Variants in MPDZ observed in about 807,000 individuals in gnomAD.
MPDZ encodes multiple PDZ domain crumbs cell polarity complex component, also known as multiple PDZ domain protein.
A neutral mutation model predicts 239.1 loss-of-function variants in MPDZ; 234 were observed. The ratio of observed to expected loss-of-function variants is 0.98; its 90% CI spans 0.88 to 1.09. The LOEUF (loss-of-function observed/expected upper bound fraction) is 1.09. MPDZ is among the 50% of genes least tolerant of loss of function. MPDZ has a pLI of 0.00. For missense variants in MPDZ, 3,175 were observed against 2,510.0 expected, an observed-to-expected ratio of 1.26 and a Z score of -5.66; for synonymous variants, 1,048 against 881.3, an observed-to-expected ratio of 1.19 and a Z score of -3.35.
At chr9:13,209,175 G>C (rs1028360879) in intron 10 of MPDZ, among the ~76,000 whole-genome samples, 2 of 152,116 alleles carry the variant, frequency 1.3e-5, no homozygotes, top group Non-Finnish European at 2.9e-5. Context: ...ATCCTAACCA[G>C]TAACTCCAAG....
At chr9:13,196,803 C>A (rs1955710223) in intron 12 of MPDZ, among the ~76,000 whole-genome samples, 1 of 151,920 alleles carries the variant, frequency 6.6e-6, no homozygotes. Context: ...CAGAAAAACA[C>A]TAAACAAATT....
At chr9:13,129,602 G>A (rs1945647081) in intron 32 of MPDZ, among the ~76,000 whole-genome samples, 1 of 152,116 alleles carries the variant, frequency 6.6e-6, no homozygotes, top group African/African-American at 2.4e-5. Flanking sequence ...ACTTTTACCA[G>A]AGTGCATATA....
At chr9:13,220,840 T>C (rs1039775975) in intron 7 of MPDZ, among the ~76,000 whole-genome samples, 2 of 152,010 alleles carry the variant, frequency 1.3e-5, no homozygotes, top group Non-Finnish European at 2.9e-5. Context: ...GTGTTAAATC[T>C]TTTCTCACAT....
intron 2 of MPDZ, among the ~76,000 whole-genome samples, chr9:13,250,098 A>C (rs569134759): frequency 6.6e-6 from 1 of 152,344 alleles, no homozygotes; most frequent in African/African-American, 2.4e-5. Flanking sequence ...TTTGCTTATA[A>C]GTAACGTATT....
chr9:13,135,435 G>A (rs995155262), intron 31 of MPDZ: 1 of 152,134 alleles, frequency 6.6e-6, no homozygotes, highest in African/African-American at 2.4e-5. Flanking sequence ...TCAGGTCCTT[G>A]TTAACTGTTT....
chr9:13,115,292 C>G lies in MPDZ; in HGVS notation c.5422G>C (p.Ala1808Pro), dbSNP rs1212987322. 2 of 1,612,702 alleles carry G rather than the reference C, an allele frequency of 1.2e-6. No individual in the cohort carries two copies. The highest frequency in any genetic ancestry group is 3.3e-5 in the Admixed American group (2 of 60,026). The change falls in exon 40 of 47, where the codon GCT becomes CCT. Residue 1808 changes from alanine (A) to proline (P), a missense_variant. Ala to Pro is a conservative substitution (Grantham distance 27). Transcript: ENST00000319217. ...CTCCTCTCTGAATGGAATGGACCAGCTTTGATTCTTCCAACTTCCAAGGTT... is the reference window on the plus strand; with the variant it reads ...CTCCTCTCTGAATGGAATGGACCAGGTTTGATTCTTCCAACTTCCAAGGTT... ...TVTLEVGRIK[A>P]GPFHSERRPS...
chr9:13,137,890 T>C (rs77470503), intron 29 of MPDZ, 67 bp downstream of exon 29: 16,949 of 1,499,320 alleles, frequency 0.011, 698 homozygotes, highest in South Asian at 0.092. Flanking sequence ...GGTGATTTTC[T>C]GGAAACTGAC....
At chr9:13,258,433 T>A (rs2138550054) in intron 1 of MPDZ, among the ~76,000 whole-genome samples, 1 of 152,344 alleles carries the variant, frequency 6.6e-6, no homozygotes, top group African/African-American at 2.4e-5. Context: ...TTGCTCAGCA[T>A]CTGTTTTTGC....
chr9:13,206,247 T>C, intron 10 of MPDZ, 148 bp from the exon 11 acceptor site: 1 of 717,538 alleles, frequency 1.4e-6, no homozygotes. Flanking sequence ...AGTAAGACCC[T>C]AATATCTCTT....
intron 27 of MPDZ, among the ~76,000 whole-genome samples, chr9:13,142,256 CTTA>C (rs1262489874): frequency 1.3e-5 from 2 of 152,046 alleles, no homozygotes; most frequent in Non-Finnish European, 2.9e-5. Context: ...ACAAAACCTG[CTTA>C]TCTGAAAAAT....
chr9:13,243,177 C>T (rs1236117009), intron 3 of MPDZ, among the ~76,000 whole-genome samples: 1 of 151,996 alleles, frequency 6.6e-6, no homozygotes, highest in East Asian at 1.9e-4. Context: ...CTATTTTCCC[C>T]TCTAGATAGT....
chr9:13,151,413 G>C (rs1418586058), intron 24 of MPDZ, among the ~76,000 whole-genome samples: 1 of 152,046 alleles, frequency 6.6e-6, no homozygotes, highest in Non-Finnish European at 1.5e-5. Context: ...ATCAAGAAAT[G>C]AGTAGATAAA....
intron 18 of MPDZ, 123 bp from the exon 19 acceptor site, chr9:13,183,708 C>A (rs1025034171): frequency 1.2e-4 from 105 of 864,126 alleles, no homozygotes; most frequent in South Asian, 5.3e-4. Context: ...TTTCTATATG[C>A]CCTCTTAACC....
chr9:13,275,647 A>C (rs1564184416), intron 1 of MPDZ, among the ~76,000 whole-genome samples: 1 of 152,188 alleles, frequency 6.6e-6, no homozygotes, highest in East Asian at 1.9e-4. Flanking sequence ...ATGTTAGAAA[A>C]AGCCCAGATT....
At chr9:13,222,050 G>A (rs1959167213) in intron 6 of MPDZ, among the ~76,000 whole-genome samples, 183 bp downstream of exon 6, 1 of 152,042 alleles carries the variant, frequency 6.6e-6, no homozygotes, top group Admixed American at 6.6e-5. Flanking sequence ...AGTAATTGTT[G>A]TTTTAGAACT....
intron 2 of MPDZ, among the ~76,000 whole-genome samples, chr9:13,248,376 C>G (rs1185231490): frequency 6.6e-6 from 1 of 152,014 alleles, no homozygotes; most frequent in Non-Finnish European, 1.5e-5. Context: ...CAAACCAAAT[C>G]AATTCAAATA....
intron 30 of MPDZ, 144 bp downstream of exon 30, chr9:13,136,568 C>T (rs1967875): frequency 0.017 from 10,117 of 600,352 alleles, 437 homozygotes; most frequent in South Asian, 0.09. Context: ...CCTCATGATC[C>T]GCCCGCCTCA....
chr9:13,156,150 A>G (rs1587337325), intron 24 of MPDZ, among the ~76,000 whole-genome samples: 1 of 152,208 alleles, frequency 6.6e-6, no homozygotes. Flanking sequence ...TAAGGATTTT[A>G]GATGACACTG....
intron 38 of MPDZ, 148 bp from the exon 39 acceptor site, chr9:13,119,797 T>C: frequency 1.3e-6 from 1 of 779,412 alleles, no homozygotes; most frequent in South Asian, 1.7e-5. Context: ...GGGGCAACAT[T>C]AGAATTATAT....
Sources: gnomAD v4.1 joint callset for allele counts (sites outside exome capture counted in the v4.1 genomes callset) on GRCh38, gnomAD v4.1.1 for gene constraint, MANE v1.5 for transcripts, NCBI Gene and HGNC (gene_info 2026-07-23, HGNC 2026-07-21) for gene names.